KIF21A: variants seen among roughly 807,000 people sequenced by gnomAD.
The protein encoded by KIF21A is kinesin-like protein KIF21A.
A neutral mutation model predicts 202.9 loss-of-function variants in KIF21A; 114 were observed. The ratio of observed to expected loss-of-function variants is 0.56; its 90% confidence interval spans 0.48 to 0.66. The LOEUF is 0.66. Among genes scored for constraint, KIF21A ranks in the 30% least tolerant of loss-of-function variants. KIF21A has a pLI of 0.00. For missense variants in KIF21A, 1,677 were observed against 1,994.9 expected, an observed-to-expected ratio of 0.84 and a Z score of 3.04; for synonymous variants, 667 against 670.8, an observed-to-expected ratio of 0.99 and a Z score of 0.09.
chr12:39,421,979 G>A (rs371767188), intron 1 of KIF21A, among the ~76,000 whole-genome samples: 1 of 151,282 alleles, frequency 6.6e-6, no homozygotes, highest in Admixed American at 6.6e-5. Flanking sequence ...GGGATGGAGG[G>A]CAAACTCTCA....
In KIF21A at chr12:39,304,870, GA is replaced by G. The variant is rs1943301870; in HGVS notation, c.4510del (p.Ser1504ProfsTer6). ...PVMCLTVDQI[S>X]SGQDLIITGS... ...AGTGATGATTAGATCTTGTCCACTG[GA>G]AATCTGATCCACAGTAAGGCACATA... On this transcript the variant is annotated frameshift_variant, in exon 35 of 38. Coordinates refer to ENST00000361418, the MANE Select transcript of KIF21A (RefSeq NM_001173464.2). LOFTEE classifies it high-confidence loss of function. The G allele has an allele frequency of 6.2e-7, 1 of 1,609,250 alleles. No individual in the cohort carries two copies. Among genetic ancestry groups the G allele is most frequent in the Non-Finnish European group, 8.5e-7 (1 of 1,176,270 alleles).
intron 7 of KIF21A, among the ~76,000 whole-genome samples, chr12:39,359,792 T>A (rs11836312): frequency 0.041 from 6,268 of 152,214 alleles, 424 homozygotes; most frequent in African/African-American, 0.14. Context: ...GGTACATACA[T>A]CCATTTCTTA....
chr12:39,315,137 A>C, intron 31 of KIF21A, 92 bp downstream of exon 31: 3 of 1,248,022 alleles, frequency 2.4e-6, no homozygotes, highest in South Asian at 2.4e-5. Context: ...GAAGGAGAGA[A>C]AAAAATAAAC....
In KIF21A at chr12:39,294,185, T is replaced by A. The variant is rs1591980576; in HGVS notation, c.*239A>T. The A allele has an allele frequency of 1.2e-5, 5 of 413,324 alleles. No individual in the cohort carries two copies. The East Asian group carries it at 2.4e-4, about 20-fold the overall frequency. The allele number at this position is 413,324 out of a possible 1,614,324, so 25.6% of individuals were successfully genotyped here. A position where few individuals can be genotyped will look rare whatever the true frequency, so the allele number is the denominator to read the frequency against. On this transcript the variant is annotated 3_prime_UTR_variant, in exon 38 of 38. Transcript: ENST00000361418. ...CACAAAAATTCAGCCACAATAAAAG[T>A]GTGAATAAAGCAATATATCAATTGT...
chr12:39,320,669 T>G (rs1945119546), intron 27 of KIF21A, among the ~76,000 whole-genome samples: 1 of 150,582 alleles, frequency 6.6e-6, no homozygotes, highest in South Asian at 2.1e-4. Flanking sequence ...GCATGGTGGC[T>G]CACACCTGTA....
At chr12:39,306,419 G>C (rs962300901) in intron 34 of KIF21A, among the ~76,000 whole-genome samples, 1 of 152,014 alleles carries the variant, frequency 6.6e-6, no homozygotes, top group African/African-American at 2.4e-5. Flanking sequence ...TCTTAAAAAA[G>C]TACTGTTTTT....
At chr12:39,302,889 G>T in intron 36 of KIF21A, 76 bp downstream of exon 36, 1 of 1,202,838 alleles carries the variant, frequency 8.3e-7, no homozygotes, top group Non-Finnish European at 1.2e-6. Context: ...CTACATAGAA[G>T]CTCTTCAAGT....
intron 10 of KIF21A, 49 bp from the exon 11 acceptor site, chr12:39,352,029 A>T: frequency 7.9e-7 from 1 of 1,271,984 alleles, no homozygotes; most frequent in South Asian, 1.2e-5. Context: ...CTCTGTGGAT[A>T]AAAATACATA....
chr12:39,422,546 T>C (rs1473201256), intron 1 of KIF21A, among the ~76,000 whole-genome samples: 1 of 152,080 alleles, frequency 6.6e-6, no homozygotes, highest in African/African-American at 2.4e-5. Context: ...AAAATATAAA[T>C]CATCAATTAC....
chr12:39,400,336 C>A (rs143238517), intron 1 of KIF21A, among the ~76,000 whole-genome samples: 1 of 152,122 alleles, frequency 6.6e-6, no homozygotes, highest in Non-Finnish European at 1.5e-5. Flanking sequence ...TGGATTATTA[C>A]AAGGTAAACA....
Position 39,387,624 on chromosome 12 carries a change from C to A in KIF21A, c.45-17363G>T, listed in dbSNP as rs1371162903. On this transcript the variant is annotated intron_variant, in intron 1 of 37. Transcript: ENST00000361418. ...GCTGCTGTCTTTTGGATGTGTTACCCCACCCCTACTTATACAATGGATACA... is the reference window on the plus strand; with the variant it reads ...GCTGCTGTCTTTTGGATGTGTTACCACACCCCTACTTATACAATGGATACA... Among the ~76,000 whole-genome samples the A allele has an allele frequency of 2.0e-5, 3 of 152,204 alleles. No homozygotes were observed. In the East Asian group the frequency reaches 5.8e-4, roughly 29 times the overall value.
chr12:39,411,011 GT>G (rs980240001), intron 1 of KIF21A, among the ~76,000 whole-genome samples: 1 of 152,086 alleles, frequency 6.6e-6, no homozygotes, highest in Non-Finnish European at 1.5e-5. Flanking sequence ...TCTCTGTAAA[GT>G]TTTTCCTTTT....
chr12:39,424,421 C>T (rs1954588202), intron 1 of KIF21A, among the ~76,000 whole-genome samples: 1 of 152,202 alleles, frequency 6.6e-6, no homozygotes, highest in Non-Finnish European at 1.5e-5. Context: ...GCATCCAAAG[C>T]CATGGCTGCA....
intron 1 of KIF21A, among the ~76,000 whole-genome samples, chr12:39,387,797 G>A (rs1951054222): frequency 6.6e-6 from 1 of 152,154 alleles, no homozygotes; most frequent in Non-Finnish European, 1.5e-5. Flanking sequence ...TAAATTATGA[G>A]ATGGATGAAA....
chr12:39,346,431 G>A (rs1272278482), intron 12 of KIF21A, 35 bp downstream of exon 12: 33 of 1,420,882 alleles, frequency 2.3e-5, no homozygotes, highest in Non-Finnish European at 2.7e-5. Context: ...GTATTTAAAC[G>A]ACATTTTAAT....
Position 39,340,995 on chromosome 12 carries a change from A to G in KIF21A, c.2021T>C (p.Leu674Pro). The G allele has an allele frequency of 6.2e-7, 1 of 1,612,888 alleles. No homozygotes were observed. Residue 674 changes from leucine (L) to proline (P), a missense_variant, in exon 15 of 38, where the codon CTG becomes CCG. Coordinates refer to ENST00000361418, the MANE Select transcript of KIF21A (RefSeq NM_001173464.2). Reference sequence around the variant, plus strand: ...TAGCTTCTCTTCATACTGCTTTTTCAGAGTCTGCAGTCTTTTCTGGCTGTT... The same window carrying G: ...TAGCTTCTCTTCATACTGCTTTTTCGGAGTCTGCAGTCTTTTCTGGCTGTT... ...LENSQKRLQTLKKQYEEKLMM... is the reference protein window; with the variant it reads ...LENSQKRLQTPKKQYEEKLMM...
chr12:39,323,329 A>G (rs535984272), intron 26 of KIF21A, among the ~76,000 whole-genome samples: 2 of 150,080 alleles, frequency 1.3e-5, no homozygotes, highest in South Asian at 4.2e-4. Flanking sequence ...TTAAAAAAAA[A>G]GAAAAGAAAA....
intron 1 of KIF21A, among the ~76,000 whole-genome samples, chr12:39,426,921 T>A (rs1954810468): frequency 2.7e-5 from 4 of 150,780 alleles, no homozygotes; most frequent in Admixed American, 2.6e-4. Flanking sequence ...AATTAAGAAA[T>A]CGTTTTACTG....
chr12:39,392,689 T>C (rs1705246125), intron 1 of KIF21A, among the ~76,000 whole-genome samples: 2 of 151,410 alleles, frequency 1.3e-5, no homozygotes, highest in South Asian at 2.1e-4. Flanking sequence ...GGTGCTCTTG[T>C]TGGTTGAGAG....
Sources: allele counts gnomAD v4.1 joint callset (sites outside exome capture counted in the v4.1 genomes callset), GRCh38; gene constraint gnomAD v4.1.1; transcripts MANE v1.5; gene names NCBI Gene and HGNC (gene_info 2026-07-23, HGNC 2026-07-21).